Variants in SH3RF3 observed in about 807,000 individuals in gnomAD.
The protein encoded by SH3RF3 is SH3 domain containing ring finger 3.
In SH3RF3, 29 loss-of-function variants were observed where a neutral mutation model predicts 66.3. The ratio of observed to expected loss-of-function variants is 0.44; its 90% CI spans 0.33 to 0.60. The LOEUF is 0.60. SH3RF3 is among the 20% of genes least tolerant of loss of function. SH3RF3 has a pLI of 0.04. For synonymous variants in SH3RF3, 583 were observed against 532.0 expected, an observed-to-expected ratio of 1.10 and a Z score of -1.32; for missense variants, 1,194 against 1,190.9, an observed-to-expected ratio of 1.00 and a Z score of -0.04.
intron 1 of SH3RF3, among the ~76,000 whole-genome samples, chr2:109,176,618 T>A (rs1677922390): frequency 6.6e-6 from 1 of 152,138 alleles, no homozygotes; most frequent in Non-Finnish European, 1.5e-5. Context: ...ATGCCTGTAG[T>A]CCCAGCAACC....
intron 7 of SH3RF3, 33 bp from the exon 8 acceptor site, chr2:109,449,137 T>C: frequency 6.2e-7 from 1 of 1,601,318 alleles, no homozygotes; most frequent in Non-Finnish European, 8.5e-7. Context: ...AAACTAACCT[T>C]TCAACCTGCT....
intron 3 of SH3RF3, among the ~76,000 whole-genome samples, chr2:109,391,344 C>T (rs1675987392): frequency 6.6e-6 from 1 of 152,218 alleles, no homozygotes; most frequent in African/African-American, 2.4e-5. Flanking sequence ...AATGCAAACA[C>T]CAAGAGGACA....
At chr2:109,246,327 G>A (rs901235239) in intron 1 of SH3RF3, among the ~76,000 whole-genome samples, 4 of 152,156 alleles carry the variant, frequency 2.6e-5, no homozygotes, top group Admixed American at 6.5e-5. Context: ...GTTCACAGAC[G>A]GTGCCTTCTC....
At chr2:109,381,054 G>A (rs2104378802) in intron 3 of SH3RF3, among the ~76,000 whole-genome samples, 1 of 152,374 alleles carries the variant, frequency 6.6e-6, no homozygotes, top group South Asian at 2.1e-4. Context: ...GTCAGGAAGA[G>A]GGCTTCCTCC....
intron 1 of SH3RF3, among the ~76,000 whole-genome samples, chr2:109,217,416 A>G (rs1298706378): frequency 6.6e-6 from 1 of 152,212 alleles, no homozygotes; most frequent in African/African-American, 2.4e-5. Context: ...TCTTGACCTT[A>G]GTCTGCTCAC....
At chr2:109,451,931 T>C (rs1293897014) in intron 8 of SH3RF3, among the ~76,000 whole-genome samples, 2 of 152,242 alleles carry the variant, frequency 1.3e-5, no homozygotes, top group African/African-American at 4.8e-5. Context: ...GTGGTTTTTG[T>C]GAGGCCCTCT....
intron 2 of SH3RF3, among the ~76,000 whole-genome samples, chr2:109,369,059 A>G (rs1422534332): frequency 6.6e-6 from 1 of 152,044 alleles, no homozygotes; most frequent in Admixed American, 6.6e-5. Context: ...GCCCTCCCAC[A>G]CTTGGCCGGG....
At chr2:109,395,691 G>A (rs1003841151) in intron 3 of SH3RF3, among the ~76,000 whole-genome samples, 1 of 152,192 alleles carries the variant, frequency 6.6e-6, no homozygotes, top group Non-Finnish European at 1.5e-5. Flanking sequence ...AGCCTCTCGG[G>A]GACACGTGCT....
intron 1 of SH3RF3, among the ~76,000 whole-genome samples, chr2:109,168,779 A>G (rs1028180563): frequency 2.6e-5 from 4 of 152,232 alleles, no homozygotes; most frequent in African/African-American, 7.2e-5. Flanking sequence ...CACAGTAGGA[A>G]TTAAGCCTGA....
In SH3RF3 at chr2:109,185,668, G is replaced by A. The variant is rs115599954; in HGVS notation, c.573+55555G>A. 4.3e-3 allele frequency among the ~76,000 whole-genome samples: 657 copies of A among 152,294 alleles called. 8 individuals are homozygous for A. Among genetic ancestry groups the A allele is most frequent in the African/African-American group, 0.015 (627 of 41,558 alleles). On this transcript the variant is annotated intron_variant, in intron 1 of 9. Coordinates refer to ENST00000309415, the MANE Select transcript of SH3RF3 (RefSeq NM_001099289.3). The stretch of plus-strand genomic sequence containing the variant: ...CCTCAGACACTCCTGGTTCACCTTA[G>A]TTCACTAGGCACATGGCTCTTGGTG...
intron 2 of SH3RF3, among the ~76,000 whole-genome samples, chr2:109,355,974 T>TG (rs1246189769): frequency 1.3e-5 from 2 of 152,168 alleles, no homozygotes; most frequent in African/African-American, 4.8e-5. Context: ...GGTCCTGCAT[T>TG]GGGGGTGGAG....
At chr2:109,438,161 G>A (rs1477295828) in intron 7 of SH3RF3, among the ~76,000 whole-genome samples, 4 of 152,234 alleles carry the variant, frequency 2.6e-5, no homozygotes, top group Non-Finnish European at 5.9e-5. Flanking sequence ...ACTTAGGTCA[G>A]CAGAGGCCAT....
intron 1 of SH3RF3, among the ~76,000 whole-genome samples, chr2:109,227,976 G>A (rs559347302): frequency 7.2e-5 from 11 of 152,312 alleles, no homozygotes; most frequent in African/African-American, 2.6e-4. Context: ...AAGGGGCATG[G>A]GATTTACATT....
At chr2:109,264,995 T>C (rs1483441740) in intron 1 of SH3RF3, among the ~76,000 whole-genome samples, 1 of 152,350 alleles carries the variant, frequency 6.6e-6, no homozygotes, top group South Asian at 2.1e-4. Context: ...AGCCGCATGC[T>C]CTGTCTTAGA....
intron 1 of SH3RF3, among the ~76,000 whole-genome samples, chr2:109,334,930 A>G (rs554015149): frequency 7.9e-4 from 121 of 152,266 alleles, no homozygotes; most frequent in African/African-American, 2.8e-3. Flanking sequence ...GCCTTCCTGG[A>G]AAGGTTCTGC....
chr2:109,339,346 G>A (rs192672051), intron 1 of SH3RF3, among the ~76,000 whole-genome samples: 86 of 152,248 alleles, frequency 5.6e-4, no homozygotes, highest in African/African-American at 2.0e-3. Flanking sequence ...ATGATGTGGT[G>A]GTTGGTTTGG....
intron 9 of SH3RF3, 35 bp from the exon 10 acceptor site, chr2:109,501,464 TTGTC>T (rs760673508): frequency 6.6e-6 from 5 of 754,820 alleles, no homozygotes; most frequent in African/African-American, 5.1e-5. Context: ...CAGATGGAGA[TTGTC>T]TGTGTGGGGC....
intron 3 of SH3RF3, among the ~76,000 whole-genome samples, chr2:109,392,436 A>AT (rs1338945163): frequency 6.6e-6 from 1 of 152,118 alleles, no homozygotes; most frequent in African/African-American, 2.4e-5. Flanking sequence ...CGTGGTGGAT[A>AT]TAAGGGTCTG....
Position 109,239,536 on chromosome 2 carries a change from C to T in SH3RF3, c.574-108138C>T, listed in dbSNP as rs536937194. On this transcript the variant is annotated intron_variant, in intron 1 of 9. Transcript: ENST00000309415. ...GAATTTGGCCCCATATTTGACTCTGCGGTCCGATGAGGGACACGGGGTTAG... is the reference window on the plus strand; with the variant it reads ...GAATTTGGCCCCATATTTGACTCTGTGGTCCGATGAGGGACACGGGGTTAG... 5.3e-5 allele frequency among the ~76,000 whole-genome samples: 8 copies of T among 152,280 alleles called. No individual in the cohort carries two copies. In the East Asian group the frequency reaches 7.7e-4, roughly 15 times the overall value.
Sources: allele counts gnomAD v4.1 joint callset (sites outside exome capture counted in the v4.1 genomes callset), GRCh38; gene constraint gnomAD v4.1.1; transcripts MANE v1.5; gene names NCBI Gene and HGNC (gene_info 2026-07-23, HGNC 2026-07-21).